SPON2: variants seen among roughly 807,000 people sequenced by gnomAD.
SPON2 encodes spondin 2.
In SPON2, 32 loss-of-function variants were observed where a neutral mutation model predicts 29.9. The observed-to-expected ratio is 1.07, with a 90% CI of 0.81 to 1.44. The LOEUF (loss-of-function observed/expected upper bound fraction) is 1.44. Ranked by LOEUF, SPON2 falls within the 40% of genes most tolerant of loss-of-function variation. SPON2 has a pLI of 0.00. For missense variants in SPON2, 541 were observed against 455.5 expected, an observed-to-expected ratio of 1.19 and a Z score of -1.71; for synonymous variants, 248 against 209.1, an observed-to-expected ratio of 1.19 and a Z score of -1.61.
chr4:1,193,205 G>A (rs1727949425), intron 1 of SPON2, among the ~76,000 whole-genome samples: 1 of 152,218 alleles, frequency 6.6e-6, no homozygotes, highest in African/African-American at 2.4e-5. Flanking sequence ...TTGATCTGGA[G>A]GATGCTAATG....
upstream of SPON2, among the ~76,000 whole-genome samples, chr4:1,197,916 T>C (rs2108676877): frequency 6.6e-6 from 1 of 152,102 alleles, no homozygotes; most frequent in Non-Finnish European, 1.5e-5. Context: ...GGCATGGTGG[T>C]GCGTGCCCGT....
intron 1 of SPON2, among the ~76,000 whole-genome samples, chr4:1,200,371 G>A (rs1381661676): frequency 1.3e-5 from 2 of 152,196 alleles, no homozygotes; most frequent in Admixed American, 1.3e-4. Context: ...GGTGGGTCGG[G>A]GCTGGGGAGT....
At chr4:1,168,786 G>A (rs1237980172) in intron 5 of SPON2, among the ~76,000 whole-genome samples, 1 of 152,240 alleles carries the variant, frequency 6.6e-6, no homozygotes, top group Non-Finnish European at 1.5e-5. Flanking sequence ...CAATGCTGCA[G>A]AGCCCTGTCA....
upstream of SPON2, chr4:1,208,295 G>A: frequency 6.6e-6 from 1 of 152,508 alleles, no homozygotes; most frequent in Non-Finnish European, 1.5e-5. Context: ...GGGGTGCAGG[G>A]CCAGCCTGGG....
chr4:1,191,229 TAATC>T (rs1727908046), intron 1 of SPON2, among the ~76,000 whole-genome samples: 1 of 152,098 alleles, frequency 6.6e-6, no homozygotes, highest in South Asian at 2.1e-4. Flanking sequence ...AAAACTGTAG[TAATC>T]AAGACAGTAT....
Position 1,171,083 on chromosome 4 carries a change from C to T in SPON2, c.552G>A (p.Leu184=), listed in dbSNP as rs762731595. 7.1e-6 allele frequency: 11 copies of T among 1,550,266 alleles called. No homozygotes were observed. Among genetic ancestry groups the T allele is most frequent in the Non-Finnish European group, 9.6e-6 (11 of 1,146,668 alleles). ...DRWREQAALD[L]YPYDAGTDSG... ...TGTCCGTCCCGGCGTCGTAGGGGTA[C>T]AGGTCCAGCGCCGCCTGTTCCCGCC... The change falls in exon 4 of 6, where the codon CTG becomes CTA. Residue 184 remains leucine, a synonymous_variant. Transcript: ENST00000290902.
chr4:1,194,087 G>A (rs1727981515), intron 1 of SPON2, among the ~76,000 whole-genome samples: 1 of 152,080 alleles, frequency 6.6e-6, no homozygotes. Flanking sequence ...GGCCTTGCCA[G>A]AGGCCCCACA....
At chr4:1,185,111 T>C (rs543996992) in intron 1 of SPON2, among the ~76,000 whole-genome samples, 1 of 151,802 alleles carries the variant, frequency 6.6e-6, no homozygotes, top group South Asian at 2.1e-4. Context: ...TCTCACTCTG[T>C]TGCTCAGGCT....
intron 1 of SPON2, chr4:1,205,046 G>C (rs937866457): frequency 1.3e-5 from 2 of 152,322 alleles, no homozygotes; most frequent in African/African-American, 4.8e-5. Context: ...CGGGTGCAGA[G>C]CCTCTCTCCA....
upstream of SPON2, among the ~76,000 whole-genome samples, chr4:1,177,762 G>C (rs1313380158): frequency 6.6e-6 from 1 of 152,112 alleles, no homozygotes; most frequent in Non-Finnish European, 1.5e-5. Context: ...CCTCCCTGGG[G>C]CGCGGCACAG....
At position 1,167,387 on chromosome 4, in the gene SPON2, C is replaced by G. The variant is rs866188321; in HGVS notation, c.*85G>C. ...GGAGCAGCGCGAAACCCCCTGTGCC[C>G]TCGGCCGCCTGCAGCATGAGCCTGC... On this transcript the variant is annotated 3_prime_UTR_variant, in exon 6 of 6. Coordinates refer to ENST00000290902, the MANE Select transcript of SPON2 (RefSeq NM_012445.4). The G allele has an allele frequency of 3.5e-6, 5 of 1,423,188 alleles. No homozygotes were observed. Among genetic ancestry groups the G allele is most frequent in the Non-Finnish European group, 4.8e-6 (5 of 1,047,400 alleles). The allele number at this position is 1,423,188 out of a possible 1,614,324, so 88.2% of individuals were successfully genotyped here.
intron 1 of SPON2, among the ~76,000 whole-genome samples, chr4:1,190,828 T>C (rs147733701): frequency 0.026 from 3,921 of 152,110 alleles, 62 homozygotes; most frequent in Non-Finnish European, 0.039. Context: ...AATATGAAAA[T>C]GAAATTAAGA....
chr4:1,206,024 G>A (rs1465765633), intron 1 of SPON2, among the ~76,000 whole-genome samples: 5 of 151,980 alleles, frequency 3.3e-5, no homozygotes, highest in Admixed American at 6.5e-5. Flanking sequence ...GGTTGGGGGC[G>A]GAGCTTTTGG....
At chr4:1,197,834 A>C (rs1285584116), upstream of SPON2, among the ~76,000 whole-genome samples, 1 of 152,178 alleles carries the variant, frequency 6.6e-6, no homozygotes, top group East Asian at 1.9e-4. Flanking sequence ...AGATCACTTG[A>C]GGCCTGGAGT....
Position 1,171,173 on chromosome 4 carries a change from G to A in SPON2, c.462C>T (p.Arg154=). The A allele has an allele frequency of 4.5e-6, 7 of 1,545,498 alleles. No homozygotes were observed. Among genetic ancestry groups the A allele is most frequent in the Non-Finnish European group, 6.1e-6 (7 of 1,147,434 alleles). Residue 154 remains arginine (R), a synonymous_variant, in exon 4 of 6, where the codon CGC becomes CGT. Coordinates refer to ENST00000290902, the MANE Select transcript of SPON2 (RefSeq NM_012445.4). ...CGAACCAGTCGGGGCTGGGCACGAT[G>A]CGCACCACAAACGAGACCTGCGGCG... is the stretch of plus-strand genomic sequence containing the variant. ...RRHSLVSFVV[R]IVPSPDWFVG... is the part of the protein sequence containing the mutation.
chr4:1,182,111 C>G (rs559332220), intron 1 of SPON2, among the ~76,000 whole-genome samples: 1 of 152,114 alleles, frequency 6.6e-6, no homozygotes, highest in Non-Finnish European at 1.5e-5. Flanking sequence ...CAACAAACCC[C>G]AGGGAAGGGG....
intron 2 of SPON2, among the ~76,000 whole-genome samples, chr4:1,178,966 G>A (rs1727657922): frequency 6.6e-6 from 1 of 152,136 alleles, no homozygotes; most frequent in Non-Finnish European, 1.5e-5. Context: ...TCTGGATTCA[G>A]GTTTCTCTGA....
chr4:1,175,258 G>A (rs1727569912), upstream of SPON2, among the ~76,000 whole-genome samples: 1 of 152,266 alleles, frequency 6.6e-6, no homozygotes, highest in Admixed American at 6.5e-5. Context: ...TCCTGTGTAG[G>A]AAGCCAGGGT....
At chr4:1,169,889 G>A (rs1441440568) in intron 5 of SPON2, 1 of 159,566 alleles carries the variant, frequency 6.3e-6, no homozygotes, top group African/African-American at 2.4e-5. Context: ...CTCGGCCCCA[G>A]CGTTCCCAGC....
Sources: allele counts gnomAD v4.1 joint callset (sites outside exome capture counted in the v4.1 genomes callset), GRCh38; gene constraint gnomAD v4.1.1; transcripts MANE v1.5; gene names NCBI Gene and HGNC (gene_info 2026-07-23, HGNC 2026-07-21).